Variants in NCKAP5 observed in about 807,000 individuals in gnomAD.
NCKAP5 encodes the protein NCK associated protein 5.
Under a neutral mutation model 167.0 loss-of-function variants are expected in NCKAP5, and 92 were observed. The ratio of observed to expected loss-of-function variants is 0.55; its 90% CI spans 0.47 to 0.66. NCKAP5 has a LOEUF of 0.66. NCKAP5 is among the 30% of genes least tolerant of loss of function. NCKAP5 has a pLI of 0.00. For missense variants in NCKAP5, 2,378 were observed against 2,315.0 expected (o/e 1.03, Z -0.56); for synonymous variants, 891 against 877.4 (o/e 1.02, Z -0.27).
At position 132,782,569 on chromosome 2, in the gene NCKAP5, G is replaced by C. The variant is rs1683133448; in HGVS notation, c.4242C>G (p.Cys1414Trp). 4 of 1,582,666 alleles carry C rather than the reference G, an allele frequency of 2.5e-6. No homozygotes were observed. The highest frequency in any genetic ancestry group is 3.4e-6 in the Non-Finnish European group (4 of 1,164,184). The change falls in exon 14 of 20, where the codon TGC (cysteine) becomes TGG (tryptophan). Residue 1414 changes from cysteine (C) to tryptophan (W), a missense_variant. Around this residue, in one of 3 missense-constraint regions of NCKAP5, gnomAD observed 1,325 missense variants for 1,274.5 expected, o/e 1.04. Coordinates refer to ENST00000409261, the MANE Select transcript of NCKAP5 (RefSeq NM_207363.3). ...LGEPGSDRRSCPPTPTDCPEA... is the reference protein window; with the variant it reads ...LGEPGSDRRSWPPTPTDCPEA... The stretch of plus-strand genomic sequence containing the variant: ...CAGGGCAGTCTGTTGGGGTGGGTGG[G>C]CAACTGCGGCGGTCACTGCCTGGTT...
intron 4 of NCKAP5, among the ~76,000 whole-genome samples, chr2:133,262,979 G>A (rs546392717): frequency 6.6e-6 from 1 of 152,224 alleles, no homozygotes; most frequent in African/African-American, 2.4e-5. Context: ...AGTCTCTCAT[G>A]TTTTATAGAA....
chr2:132,984,074 T>C (rs1472560460), intron 7 of NCKAP5, among the ~76,000 whole-genome samples: 1 of 152,102 alleles, frequency 6.6e-6, no homozygotes, highest in Non-Finnish European at 1.5e-5. Context: ...CAGAGCAACA[T>C]AGTGAGACTC....
chr2:133,255,521 T>C (rs1055648497), intron 4 of NCKAP5, among the ~76,000 whole-genome samples: 21 of 109,046 alleles, frequency 1.9e-4, no homozygotes, highest in Middle Eastern at 4.6e-3. Flanking sequence ...CTTTAGGGAA[T>C]GTGTGTACAA....
At chr2:132,953,470 CTTAA>C (rs1050901293) in intron 8 of NCKAP5, among the ~76,000 whole-genome samples, 6 of 152,044 alleles carry the variant, frequency 3.9e-5, no homozygotes, top group South Asian at 4.1e-4. Flanking sequence ...TTTTTATTAC[CTTAA>C]TTAATTAGTA....
chr2:133,116,888 T>G (rs2082102363), intron 6 of NCKAP5: 1 of 152,230 alleles, frequency 6.6e-6, no homozygotes, highest in Non-Finnish European at 1.5e-5. Flanking sequence ...GATTATTTGT[T>G]TAAAGCATGT....
At chr2:132,870,010 C>G (rs1690679965) in intron 9 of NCKAP5, among the ~76,000 whole-genome samples, 1 of 152,134 alleles carries the variant, frequency 6.6e-6, no homozygotes, top group African/African-American at 2.4e-5. Context: ...GCAGAAGAAC[C>G]TAAATCCCTC....
intron 19 of NCKAP5, among the ~76,000 whole-genome samples, chr2:132,705,206 C>T (rs543043873): frequency 1.2e-4 from 18 of 151,924 alleles, no homozygotes; most frequent in African/African-American, 3.4e-4. Context: ...ATCAGTTTTT[C>T]TCTCTCTCTC....
At chr2:133,033,146 G>A (rs984943858) in intron 6 of NCKAP5, among the ~76,000 whole-genome samples, 1 of 152,184 alleles carries the variant, frequency 6.6e-6, no homozygotes, top group Admixed American at 6.5e-5. Flanking sequence ...CCAGCTTTAG[G>A]TGGCTCAGAA....
chr2:133,447,474 TTTCCCTGCCTTTCCCCTTCTC>T, intron 3 of NCKAP5, among the ~76,000 whole-genome samples: 1 of 148,684 alleles, frequency 6.7e-6, no homozygotes, highest in Non-Finnish European at 1.5e-5. Context: ...TTCCCCTTCC[TTTCCCTGCCTTTCCCCTTCTC>T]TTCCCTTCCT....
intron 11 of NCKAP5, among the ~76,000 whole-genome samples, chr2:132,823,936 A>G (rs1220922852): frequency 3.3e-5 from 5 of 152,156 alleles, no homozygotes; most frequent in African/African-American, 1.2e-4. Flanking sequence ...AAAAAAGACA[A>G]AAGAGGGACA....
intron 6 of NCKAP5, among the ~76,000 whole-genome samples, chr2:133,101,780 C>A (rs1457441834): frequency 6.6e-6 from 1 of 152,202 alleles, no homozygotes; most frequent in Non-Finnish European, 1.5e-5. Flanking sequence ...AAAGACTGTT[C>A]CACCAAGTGT....
At chr2:133,431,361 A>G (rs1009643491) in intron 3 of NCKAP5, among the ~76,000 whole-genome samples, 5 of 152,164 alleles carry the variant, frequency 3.3e-5, no homozygotes, top group Admixed American at 6.6e-5. Flanking sequence ...AGAATTAATT[A>G]CTGTATGTTG....
intron 7 of NCKAP5, among the ~76,000 whole-genome samples, chr2:132,987,205 G>T (rs1212244794): frequency 6.6e-6 from 1 of 152,020 alleles, no homozygotes; most frequent in African/African-American, 2.4e-5. Context: ...TTGTCTTCTC[G>T]AACATGGTGC....
intron 8 of NCKAP5, chr2:132,930,716 T>C (rs1574670125): frequency 6.6e-6 from 1 of 152,314 alleles, no homozygotes; most frequent in Non-Finnish European, 1.5e-5. Context: ...AAACCTCCTC[T>C]CCTGCCTCTC....
rs551435518 is a variant in NCKAP5, at chr2:133,316,108, T to C, written c.70-12998A>G. 1.4e-4 allele frequency among the ~76,000 whole-genome samples: 21 copies of C among 152,272 alleles called. No homozygotes were observed. The South Asian group carries it at 3.5e-3, about 26-fold the overall frequency. ...TGTAGGAGGATGTTGCCAGTTCTCC[T>C]TGGGACACTTTTGGAGAATGGTCTC... is the stretch of plus-strand genomic sequence containing the variant. On this transcript the variant is annotated intron_variant, in intron 3 of 19. Coordinates refer to ENST00000409261, the MANE Select transcript of NCKAP5 (RefSeq NM_207363.3).
chr2:132,833,943 G>A lies in NCKAP5; in HGVS notation c.807+26549C>T, dbSNP rs183312735. On this transcript the variant is annotated intron_variant, in intron 11 of 19. Transcript: ENST00000409261. The stretch of plus-strand genomic sequence containing the variant: ...GGATTGCATTGAATCTCTAGATTAG[G>A]GTAGTATGGTTATTTTAATGATATT... Among the ~76,000 whole-genome samples the A allele has an allele frequency of 2.6e-5, 4 of 152,160 alleles. No individual in the cohort carries two copies. In the East Asian group the frequency reaches 7.7e-4, roughly 29 times the overall value.
chr2:133,497,465 T>A (rs1029251152), intron 3 of NCKAP5, among the ~76,000 whole-genome samples: 2 of 152,136 alleles, frequency 1.3e-5, no homozygotes, highest in African/African-American at 4.8e-5. Context: ...CTGAATAAGA[T>A]CCTCACAAAT....
intron 6 of NCKAP5, among the ~76,000 whole-genome samples, chr2:133,046,896 T>G (rs558764450): frequency 1.4e-4 from 22 of 152,202 alleles, no homozygotes; most frequent in Non-Finnish European, 1.8e-4. Flanking sequence ...TCGTTGGAGT[T>G]AGTGTATCCA....
chr2:132,681,474 T>C (rs1316791538), intron 19 of NCKAP5, among the ~76,000 whole-genome samples: 1 of 152,118 alleles, frequency 6.6e-6, no homozygotes, highest in Non-Finnish European at 1.5e-5. Context: ...CCGTGAACTT[T>C]TGTCAGATGA....
Sources: allele counts gnomAD v4.1 joint callset (sites outside exome capture counted in the v4.1 genomes callset), GRCh38; gene constraint gnomAD v4.1.1; regional missense constraint gnomAD v4.1.1; transcripts MANE v1.5; gene names NCBI Gene and HGNC (gene_info 2026-07-23, HGNC 2026-07-21).